The following FRRS1 variants were observed in gnomAD, a reference collection of about 807,000 sequenced individuals.
FRRS1 encodes the protein ferric reductase 1.
Under a neutral mutation model 70.7 loss-of-function variants are expected in FRRS1, and 51 were observed. The observed-to-expected ratio is 0.72, with a 90% CI of 0.58 to 0.91. The LOEUF (loss-of-function observed/expected upper bound fraction) is 0.91, where lower values mean the gene tolerates loss of function less well. Ranked by LOEUF, FRRS1 falls within the 40% of genes least tolerant of loss-of-function variation. The pLI, the probability that FRRS1 is intolerant of heterozygous loss-of-function variation, is 0.00. For missense variants in FRRS1, 672 were observed against 726.0 expected, an observed-to-expected ratio of 0.93 and a Z score of 0.86; for synonymous variants, 225 against 238.7, an observed-to-expected ratio of 0.94 and a Z score of 0.53.
intron 8 of FRRS1, 32 bp downstream of exon 8, chr1:99,729,618 C>T: frequency 7.2e-7 from 1 of 1,389,096 alleles, no homozygotes; most frequent in Non-Finnish European, 1.0e-6. Context: ...AGCGGGTCTC[C>T]AGGTGGAGGT....
At chr1:99,763,320 T>A (rs532359077) in intron 1 of FRRS1, among the ~76,000 whole-genome samples, 1 of 151,986 alleles carries the variant, frequency 6.6e-6, no homozygotes, top group Non-Finnish European at 1.5e-5. Context: ...CCTGTCCATA[T>A]AAAAATAAAT....
intron 8 of FRRS1, among the ~76,000 whole-genome samples, 169 bp downstream of exon 8, chr1:99,729,480 GA>G (rs1330825373): frequency 6.6e-6 from 1 of 152,248 alleles, no homozygotes; most frequent in Non-Finnish European, 1.5e-5. Context: ...CTGAAGTGTA[GA>G]AAAGTTTCTC....
At chr1:99,748,512 G>C in intron 3 of FRRS1, 61 bp downstream of exon 3, 2 of 1,210,592 alleles carry the variant, frequency 1.7e-6, no homozygotes, top group Non-Finnish European at 2.4e-6. Flanking sequence ...TAATAATAAA[G>C]ATTCAATAAA....
chr1:99,711,986 T>C, intron 14 of FRRS1, 119 bp downstream of exon 14: 1 of 676,630 alleles, frequency 1.5e-6, no homozygotes, highest in Non-Finnish European at 2.6e-6. Context: ...GGCTGATTTC[T>C]TCTCAACAAC....
intron 1 of FRRS1, among the ~76,000 whole-genome samples, chr1:99,756,332 C>T (rs2814045): frequency 0.49 from 75,200 of 152,034 alleles, 22,621 homozygotes; most frequent in African/African-American, 0.85. Flanking sequence ...TATTCCCAAA[C>T]CTGATGAGAT....
intron 12 of FRRS1, among the ~76,000 whole-genome samples, chr1:99,713,040 GA>G (rs1280332312): frequency 9.2e-5 from 14 of 152,164 alleles, no homozygotes; most frequent in Non-Finnish European, 1.8e-4. Flanking sequence ...CATGACTTTA[GA>G]GATATAAAGG....
intron 15 of FRRS1, among the ~76,000 whole-genome samples, chr1:99,710,142 G>T (rs12139063): frequency 0.065 from 9,943 of 152,162 alleles, 460 homozygotes; most frequent in African/African-American, 0.13. Flanking sequence ...AGACAACAAA[G>T]AATTTTTGTT....
At chr1:99,759,239 C>A (rs557796332) in intron 1 of FRRS1, among the ~76,000 whole-genome samples, 6 of 152,270 alleles carry the variant, frequency 3.9e-5, no homozygotes, top group Admixed American at 3.9e-4. Flanking sequence ...TAAAAACTTG[C>A]TGGTTTTGAG....
intron 8 of FRRS1, among the ~76,000 whole-genome samples, chr1:99,729,067 C>G (rs986420022): frequency 6.6e-6 from 1 of 152,226 alleles, no homozygotes; most frequent in African/African-American, 2.4e-5. Flanking sequence ...GAAGGCTGTG[C>G]ACAGTTATGT....
At chr1:99,732,844 ATTTTTT>A (rs5776486) in intron 7 of FRRS1, among the ~76,000 whole-genome samples, 1 of 145,246 alleles carries the variant, frequency 6.9e-6, no homozygotes, top group East Asian at 2.0e-4. Flanking sequence ...TTTTGAGACA[ATTTTTT>A]TTTTTTTTTT....
rs567071537 is a variant in FRRS1, at chr1:99,709,211, G to T, written c.1673C>A (p.Ala558Glu). 3 of 1,608,538 alleles carry T rather than the reference G, an allele frequency of 1.9e-6. No individual in the cohort carries two copies. Among genetic ancestry groups the T allele is most frequent in the Non-Finnish European group, 2.6e-6 (3 of 1,175,058 alleles). Residue 558 changes from alanine to glutamate, a missense_variant, in exon 16 of 17, where the codon GCA becomes GAA. Ala to Glu is a moderately radical substitution (Grantham distance 107). Coordinates refer to ENST00000646001, the MANE Select transcript of FRRS1 (RefSeq NM_001361041.2). ...AAAAGGACTTACCTCTGTTTCCACT[G>T]CAGTAAATGACTGAAGGATCTGAAT... The part of the protein sequence containing the change: ...DRIQILQSFT[A>E]VETEGHAFKK...
At chr1:99,711,970 G>A (rs12141159) in intron 14 of FRRS1, 135 bp downstream of exon 14, 30,804 of 635,164 alleles carry the variant, frequency 0.048, 1,067 homozygotes, top group African/African-American at 0.13. Context: ...GGATTTCAAC[G>A]TTTAAGGCTG....
intron 1 of FRRS1, among the ~76,000 whole-genome samples, chr1:99,757,816 C>T (rs1275268124): frequency 6.6e-6 from 1 of 152,040 alleles, no homozygotes; most frequent in Admixed American, 6.6e-5. Context: ...ATGTCTTAAA[C>T]ATGCTTTTAT....
chr1:99,712,022 T>C, intron 14 of FRRS1, 83 bp downstream of exon 14: 1 of 947,948 alleles, frequency 1.1e-6, no homozygotes, highest in Non-Finnish European at 1.7e-6. Context: ...CTAATGCATC[T>C]AAAAATCATT....
intron 4 of FRRS1, among the ~76,000 whole-genome samples, 178 bp from the exon 5 acceptor site, chr1:99,742,451 ATAT>A (rs1002652433): frequency 4.6e-5 from 7 of 152,346 alleles, no homozygotes; most frequent in South Asian, 2.1e-4. Flanking sequence ...GGTTGAGAAC[ATAT>A]TAGCAGCTGG....
rs773619325 is a variant in FRRS1, at chr1:99,709,022, G to C, written c.*6C>G. ...TTGGCCTGCAAAAGCCAAGGTCTTT[G>C]CTTGCTCATAGATGGTTGATTGCAG... is the stretch of plus-strand genomic sequence containing the variant. On this transcript the variant is annotated 3_prime_UTR_variant, in exon 17 of 17. Coordinates refer to ENST00000646001, the MANE Select transcript of FRRS1 (RefSeq NM_001361041.2). 13 of 1,613,694 alleles carry C rather than the reference G, an allele frequency of 8.1e-6. No homozygotes were observed. Among genetic ancestry groups the C allele is most frequent in the Non-Finnish European group, 1.0e-5 (12 of 1,179,922 alleles).
At chr1:99,760,638 T>G (rs926538383) in intron 1 of FRRS1, among the ~76,000 whole-genome samples, 1 of 152,152 alleles carries the variant, frequency 6.6e-6, no homozygotes, top group African/African-American at 2.4e-5. Context: ...TCTGACAACT[T>G]AAGATGGTAG....
At chr1:99,731,569 A>AGCTT (rs1655389349) in intron 7 of FRRS1, among the ~76,000 whole-genome samples, 1 of 152,206 alleles carries the variant, frequency 6.6e-6, no homozygotes, top group African/African-American at 2.4e-5. Context: ...TTGTTTCTAT[A>AGCTT]TAGCTCATAG....
chr1:99,743,907 A>G (rs1192572482), intron 4 of FRRS1, among the ~76,000 whole-genome samples: 4 of 152,146 alleles, frequency 2.6e-5, no homozygotes, highest in Non-Finnish European at 5.9e-5. Context: ...GCCCATACGA[A>G]GTGCCACTAG....
Sources: gnomAD v4.1 joint callset for allele counts (sites outside exome capture counted in the v4.1 genomes callset) on GRCh38, gnomAD v4.1.1 for gene constraint, MANE v1.5 for transcripts, NCBI Gene and HGNC (gene_info 2026-07-23, HGNC 2026-07-21) for gene names.